The following MRPL3 variants were observed in gnomAD, a reference collection of about 807,000 sequenced individuals.
The protein encoded by MRPL3 is large ribosomal subunit protein uL3m.
MRPL3 carries 43 observed loss-of-function variants against 44.3 expected under a neutral mutation model. The ratio of observed to expected loss-of-function variants is 0.97; its 90% CI spans 0.76 to 1.25. The LOEUF (loss-of-function observed/expected upper bound fraction) is 1.25, where lower values mean the gene tolerates loss of function less well. Among genes scored for constraint, MRPL3 ranks in the 50% most tolerant of loss-of-function variants. The probability of loss-of-function intolerance (pLI) is 0.00; values close to 1 mark genes in which losing one functional copy is unlikely to be tolerated. For missense variants in MRPL3, 406 were observed against 427.6 expected (o/e 0.95, Z 0.45); for synonymous variants, 171 against 152.3 (o/e 1.12, Z -0.91).
intron 5 of MRPL3, among the ~76,000 whole-genome samples, chr3:131,489,599 A>G (rs150950279): frequency 3.7e-4 from 57 of 152,222 alleles, no homozygotes; most frequent in African/African-American, 1.4e-3. Flanking sequence ...TTGAGGTGCT[A>G]TGGTCGGTCC....
intron 1 of MRPL3, 98 bp from the exon 2 acceptor site, chr3:131,501,813 G>C: frequency 6.3e-7 from 1 of 1,598,732 alleles, no homozygotes; most frequent in Non-Finnish European, 8.5e-7. Flanking sequence ...GTGTAGTCAG[G>C]GCCTTGGGAA....
intron 6 of MRPL3, among the ~76,000 whole-genome samples, chr3:131,478,881 T>C (rs1933914651): frequency 6.6e-6 from 1 of 151,880 alleles, no homozygotes; most frequent in Non-Finnish European, 1.5e-5. Flanking sequence ...TTAGTAGAGA[T>C]GAAGTTTCGC....
chr3:131,477,439 T>C (rs1383024273), intron 6 of MRPL3, among the ~76,000 whole-genome samples: 4 of 152,218 alleles, frequency 2.6e-5, no homozygotes, highest in Non-Finnish European at 4.4e-5. Flanking sequence ...CCTCTCCAAT[T>C]ACTCTTTGGA....
At chr3:131,493,290 T>C (rs2110712268) in intron 4 of MRPL3, among the ~76,000 whole-genome samples, 1 of 152,352 alleles carries the variant, frequency 6.6e-6, no homozygotes, top group South Asian at 2.1e-4. Context: ...CTGGGAAATA[T>C]AAGTACATGT....
At chr3:131,498,091 G>T in intron 4 of MRPL3, 88 bp downstream of exon 4, 1 of 950,918 alleles carries the variant, frequency 1.1e-6, no homozygotes. Context: ...GCAAGTTTGT[G>T]GCTGTGGAAC....
At chr3:131,465,891 C>CTTTTTTTT (rs55635822) in intron 9 of MRPL3, among the ~76,000 whole-genome samples, 1 of 133,348 alleles carries the variant, frequency 7.5e-6, no homozygotes. Context: ...CTTTTTCTCT[C>CTTTTTTTT]TTTTTTTTTT....
chr3:131,501,440 T>C lies in MRPL3; in HGVS notation c.277+91A>G, dbSNP rs1257829310. 2.0e-5 allele frequency: 21 copies of C among 1,061,298 alleles called. No individual in the cohort carries two copies. In the Admixed American group the frequency reaches 4.8e-4, roughly 24 times the overall value. The allele number at this position is 1,061,298 out of a possible 1,614,324, so 65.7% of individuals were successfully genotyped here. ...GCACATGAAAAATAAATTCAAGAAA[T>C]GATAAATTATCAAGTAGTCACTATG... On this transcript the variant is annotated intron_variant, in intron 2 of 9. Transcript: ENST00000264995.
At chr3:131,467,223 T>A (rs1203817663) in intron 9 of MRPL3, among the ~76,000 whole-genome samples, 1 of 151,810 alleles carries the variant, frequency 6.6e-6, no homozygotes, top group Non-Finnish European at 1.5e-5. Context: ...TCTAGAATAT[T>A]CTTCAGCCAT....
intron 9 of MRPL3, among the ~76,000 whole-genome samples, chr3:131,466,480 A>T (rs1285902886): frequency 3.9e-5 from 6 of 152,074 alleles, no homozygotes; most frequent in African/African-American, 1.2e-4. Flanking sequence ...TTTTATTAAA[A>T]TGTATCTGAG....
At chr3:131,481,869 C>T (rs1172333635) in intron 6 of MRPL3, among the ~76,000 whole-genome samples, 3 of 152,140 alleles carry the variant, frequency 2.0e-5, no homozygotes, top group African/African-American at 7.2e-5. Flanking sequence ...TGAAATAAAA[C>T]TGAAAATGTA....
intron 6 of MRPL3, among the ~76,000 whole-genome samples, chr3:131,486,324 G>T (rs1301089379): frequency 3.2e-5 from 2 of 63,372 alleles, no homozygotes; most frequent in Non-Finnish European, 2.8e-5. Context: ...AGCCAAAATT[G>T]ACAAATGGGA....
At chr3:131,495,409 T>C (rs935131947) in intron 4 of MRPL3, among the ~76,000 whole-genome samples, 3 of 152,182 alleles carry the variant, frequency 2.0e-5, no homozygotes, top group African/African-American at 7.2e-5. Context: ...ATAAATGTCA[T>C]CTGGACTTAG....
At chr3:131,493,576 A>C (rs1934303528) in intron 4 of MRPL3, among the ~76,000 whole-genome samples, 1 of 152,232 alleles carries the variant, frequency 6.6e-6, no homozygotes, top group Non-Finnish European at 1.5e-5. Flanking sequence ...ACCAACGATG[A>C]AAAGAAACAG....
intron 6 of MRPL3, among the ~76,000 whole-genome samples, chr3:131,482,416 G>A (rs1480511289): frequency 6.6e-6 from 1 of 151,912 alleles, no homozygotes; most frequent in Non-Finnish European, 1.5e-5. Context: ...TCGGGAGGCT[G>A]AGGCAGGAGA....
At chr3:131,498,133 A>T (rs781280852) in intron 4 of MRPL3, 46 bp downstream of exon 4, 3 of 1,255,064 alleles carry the variant, frequency 2.4e-6, no homozygotes, top group Admixed American at 1.7e-5. Context: ...CCAGATTTGA[A>T]ACTGATGAAA....
At position 131,462,705 on chromosome 3, in the gene MRPL3, C is replaced by G. The variant is rs529783165; in HGVS notation, c.*18G>C. On this transcript the variant is annotated 3_prime_UTR_variant, in exon 10 of 10. Coordinates refer to ENST00000264995, the MANE Select transcript of MRPL3 (RefSeq NM_007208.4). The stretch of plus-strand genomic sequence containing the variant: ...CGAAGCTCACAGAATATGTAAGGTT[C>G]TGCCACGTCCAAAGATGTTAGGCAA... 1.9e-6 allele frequency: 3 copies of G among 1,605,848 alleles called. No homozygotes were observed. The East Asian group carries it at 6.7e-5, about 36-fold the overall frequency.
intron 6 of MRPL3, among the ~76,000 whole-genome samples, chr3:131,475,793 T>C (rs1352355051): frequency 6.6e-6 from 1 of 152,228 alleles, no homozygotes; most frequent in Non-Finnish European, 1.5e-5. Context: ...ATGTTTCCAC[T>C]TAACATTGAA....
chr3:131,470,766 T>C (rs1933723419), intron 7 of MRPL3, among the ~76,000 whole-genome samples: 1 of 152,156 alleles, frequency 6.6e-6, no homozygotes, highest in Non-Finnish European at 1.5e-5. Context: ...CCCATTTTCA[T>C]ACTTTAACGC....
At position 131,462,858 on chromosome 3, in the gene MRPL3, C is replaced by G. The variant is rs1298163113; in HGVS notation, c.912G>C (p.Leu304=). ...NCLVKVKDSK[L]PAYKDLGKNL... ...TTTTACCGAGATCCTTATATGCAGG[C>G]AGTTTAGAATCTTTGACCTGAGAGA... Residue 304 remains leucine, a synonymous_variant, in exon 10 of 10, where the codon CTG becomes CTC. Coordinates refer to ENST00000264995, the MANE Select transcript of MRPL3 (RefSeq NM_007208.4). The G allele has an allele frequency of 1.4e-5, 22 of 1,610,072 alleles. No individual in the cohort carries two copies. Among genetic ancestry groups the G allele is most frequent in the Non-Finnish European group, 1.8e-5 (21 of 1,177,638 alleles).
Sources: allele counts gnomAD v4.1 joint callset (sites outside exome capture counted in the v4.1 genomes callset), GRCh38; gene constraint gnomAD v4.1.1; transcripts MANE v1.5; gene names NCBI Gene and HGNC (gene_info 2026-07-23, HGNC 2026-07-21).